PHACTR1: variants seen among roughly 807,000 people sequenced by gnomAD.
PHACTR1 encodes RPEL repeat containing 1.
Under a neutral mutation model 69.2 loss-of-function variants are expected in PHACTR1, and 16 were observed. The ratio of observed to expected loss-of-function variants is 0.23; its 90% CI spans 0.16 to 0.35. The LOEUF is 0.35. Among genes scored for constraint, PHACTR1 ranks in the 10% least tolerant of loss-of-function variants. The pLI is 1.00. For synonymous variants in PHACTR1, 312 were observed against 284.5 expected, an observed-to-expected ratio of 1.10 and a Z score of -0.97; for missense variants, 510 against 734.7, an observed-to-expected ratio of 0.69 and a Z score of 3.54.
chr6:12,826,602 C>A (rs564803052), intron 4 of PHACTR1, among the ~76,000 whole-genome samples: 24 of 152,154 alleles, frequency 1.6e-4, no homozygotes, highest in African/African-American at 5.8e-4. Context: ...ATAGGGTGTC[C>A]TTGAATCTTT....
intron 4 of PHACTR1, among the ~76,000 whole-genome samples, chr6:12,953,984 T>C (rs1251649695): frequency 6.6e-6 from 1 of 152,210 alleles, no homozygotes; most frequent in Non-Finnish European, 1.5e-5. Context: ...ATACATTGAC[T>C]AATAAAAGCG....
At chr6:12,900,210 A>G (rs1168786706) in intron 4 of PHACTR1, among the ~76,000 whole-genome samples, 1 of 151,908 alleles carries the variant, frequency 6.6e-6, no homozygotes, top group Non-Finnish European at 1.5e-5. Context: ...TTTTTACTTT[A>G]TTATTTTTAA....
rs571715030 is a variant in PHACTR1, at chr6:12,953,304, C to G, written c.251-100061C>G. On this transcript the variant is annotated intron_variant, in intron 4 of 14. Transcript: ENST00000332995. ...CGGCACTGCACTCCAGCCTGGGCAA[C>G]AGAGCCAGACTCCATCTCAAAAATA... Among the ~76,000 whole-genome samples, 61 of 152,270 alleles carry G rather than the reference C, an allele frequency of 4.0e-4. No individual in the cohort carries two copies. In the Middle Eastern group the frequency reaches 0.014, roughly 34 times the overall value.
chr6:12,857,712 T>C (rs1447634693), intron 4 of PHACTR1, among the ~76,000 whole-genome samples: 1 of 152,152 alleles, frequency 6.6e-6, no homozygotes, highest in Non-Finnish European at 1.5e-5. Flanking sequence ...TTGCTGCTGT[T>C]GTTGTTGTTT....
intron 5 of PHACTR1, among the ~76,000 whole-genome samples, chr6:13,076,471 A>G (rs1484983757): frequency 1.3e-5 from 2 of 152,222 alleles, no homozygotes; most frequent in Admixed American, 6.5e-5. Flanking sequence ...TGGTGGCTGC[A>G]TAGAGAAAAA....
chr6:13,029,964 A>G (rs1299555187), intron 4 of PHACTR1, among the ~76,000 whole-genome samples: 1 of 152,220 alleles, frequency 6.6e-6, no homozygotes, highest in Non-Finnish European at 1.5e-5. Flanking sequence ...CGACCTTCTC[A>G]GACTAAGCCT....
At chr6:13,071,891 G>A (rs1034251201) in intron 5 of PHACTR1, among the ~76,000 whole-genome samples, 2 of 152,112 alleles carry the variant, frequency 1.3e-5, no homozygotes, top group African/African-American at 2.4e-5. Flanking sequence ...TGTAGTTTGA[G>A]CCTCATGTTA....
At chr6:12,936,902 C>A (rs1317388375) in intron 4 of PHACTR1, among the ~76,000 whole-genome samples, 5 of 152,208 alleles carry the variant, frequency 3.3e-5, no homozygotes, top group Non-Finnish European at 7.3e-5. Context: ...CTAGACTTAA[C>A]TTCCTTTCAG....
chr6:13,150,728 G>T (rs994368450), intron 5 of PHACTR1, among the ~76,000 whole-genome samples: 1 of 151,970 alleles, frequency 6.6e-6, no homozygotes, highest in African/African-American at 2.4e-5. Context: ...CTGGTCTTTT[G>T]AAATGGAAGA....
At chr6:12,771,525 G>T (rs1406729206) in intron 4 of PHACTR1, among the ~76,000 whole-genome samples, 2 of 152,126 alleles carry the variant, frequency 1.3e-5, no homozygotes, top group African/African-American at 2.4e-5. Flanking sequence ...GTAAGATCTG[G>T]GTCAAAGATT....
intron 4 of PHACTR1, among the ~76,000 whole-genome samples, chr6:12,830,248 G>T (rs1302273168): frequency 6.6e-6 from 1 of 151,276 alleles, no homozygotes; most frequent in Non-Finnish European, 1.5e-5. Context: ...CTCCAGTCAA[G>T]TTTGATACGC....
At chr6:12,847,063 C>G (rs761311565) in intron 4 of PHACTR1, among the ~76,000 whole-genome samples, 1 of 152,080 alleles carries the variant, frequency 6.6e-6, no homozygotes, top group Non-Finnish European at 1.5e-5. Flanking sequence ...GGGATCTGGC[C>G]GCGTTGGCCT....
intron 7 of PHACTR1, among the ~76,000 whole-genome samples, chr6:13,188,287 G>A (rs1317703380): frequency 6.6e-6 from 1 of 152,152 alleles, no homozygotes; most frequent in East Asian, 1.9e-4. Context: ...TTTTATAAGT[G>A]AGCAATCAGT....
chr6:12,976,347 G>T (rs1202509722), intron 4 of PHACTR1, among the ~76,000 whole-genome samples: 1 of 152,206 alleles, frequency 6.6e-6, no homozygotes, highest in Non-Finnish European at 1.5e-5. Flanking sequence ...TTTGACTTAT[G>T]TGTAACCTGG....
At chr6:12,787,936 C>T (rs1366619407) in intron 4 of PHACTR1, among the ~76,000 whole-genome samples, 2 of 152,198 alleles carry the variant, frequency 1.3e-5, no homozygotes, top group African/African-American at 4.8e-5. Flanking sequence ...GCTGGCGGAT[C>T]ACCTGAGGTC....
At chr6:13,099,387 C>T (rs1814783668) in intron 5 of PHACTR1, among the ~76,000 whole-genome samples, 2 of 152,204 alleles carry the variant, frequency 1.3e-5, no homozygotes, top group South Asian at 2.1e-4. Flanking sequence ...TGCCCACTCA[C>T]AGTAGTCAAG....
rs71552741 is a variant in PHACTR1 at position 13,263,343 on chromosome 6, G to GAA, written c.1392-9505_1392-9504dup. Reference sequence around the variant, plus strand: ...CAGTAGAGACAGCATTGTTCAGACTGAAAAAAAAAAAAAGGCAAGATCCAT... The same window carrying GAA: ...CAGTAGAGACAGCATTGTTCAGACTGAAAAAAAAAAAAAAAGGCAAGATCCAT... On this transcript the variant is annotated intron_variant, in intron 10 of 14. Transcript: ENST00000332995. Among the ~76,000 whole-genome samples the GAA allele has an allele frequency of 1.9e-3, 234 of 126,124 alleles. 1 individual carries two copies. In the South Asian group the frequency reaches 0.021, roughly 11 times the overall value. 82.7% of individuals were successfully genotyped at this position (126,124 alleles called of 152,430 possible). A position where few individuals can be genotyped will look rare whatever the true frequency, so the allele number is the denominator to read the frequency against.
intron 4 of PHACTR1, among the ~76,000 whole-genome samples, chr6:13,000,643 G>A (rs1485054033): frequency 4.4e-4 from 25 of 56,434 alleles, no homozygotes; most frequent in Non-Finnish European, 4.5e-4. Flanking sequence ...GAAGGAAGGG[G>A]GGAGGGAGGG....
At chr6:13,226,813 C>T (rs569372212) in intron 8 of PHACTR1, among the ~76,000 whole-genome samples, 52 of 150,912 alleles carry the variant, frequency 3.4e-4, no homozygotes, top group African/African-American at 1.3e-3. Flanking sequence ...TCTTGGCTCA[C>T]TGCAACCTCT....
Sources: allele counts gnomAD v4.1 joint callset (sites outside exome capture counted in the v4.1 genomes callset), GRCh38; gene constraint gnomAD v4.1.1; transcripts MANE v1.5; gene names NCBI Gene and HGNC (gene_info 2026-07-23, HGNC 2026-07-21).